PTPRD: variants seen among roughly 807,000 people sequenced by gnomAD.
PTPRD encodes the protein receptor-type tyrosine-protein phosphatase delta.
In PTPRD, 34 loss-of-function variants were observed where a neutral mutation model predicts 214.5. The ratio of observed to expected loss-of-function variants is 0.16; its 90% CI spans 0.12 to 0.21. The LOEUF is 0.21. PTPRD is among the 10% of genes least tolerant of loss of function. PTPRD has a pLI of 1.00. For missense variants in PTPRD, 2,545 were observed against 2,398.7 expected (o/e 1.06, Z -1.27); for synonymous variants, 1,128 against 845.7 (o/e 1.33, Z -5.79).
chr9:8,520,990 C>A (rs957335163), intron 20 of PTPRD, among the ~76,000 whole-genome samples: 1 of 151,954 alleles, frequency 6.6e-6, no homozygotes, highest in Non-Finnish European at 1.5e-5. Context: ...AATGGTCGAC[C>A]ATGTGTAAAA....
At chr9:9,910,498 C>A (rs1302156074) in intron 5 of PTPRD, among the ~76,000 whole-genome samples, 2 of 151,976 alleles carry the variant, frequency 1.3e-5, no homozygotes, top group Admixed American at 1.3e-4. Flanking sequence ...ATACGTACTC[C>A]TCTTGACAGT....
chr9:10,510,047 T>G (rs1427435548), intron 2 of PTPRD, among the ~76,000 whole-genome samples: 1 of 152,102 alleles, frequency 6.6e-6, no homozygotes, highest in Non-Finnish European at 1.5e-5. Flanking sequence ...AGCTCTAGTA[T>G]ACATATAAAT....
intron 7 of PTPRD, among the ~76,000 whole-genome samples, chr9:9,689,428 T>C (rs2097223290): frequency 6.6e-6 from 1 of 151,944 alleles, no homozygotes; most frequent in Non-Finnish European, 1.5e-5. Context: ...TAACTTTTGA[T>C]GCATTTATAT....
chr9:9,284,743 G>A (rs2133788267), intron 9 of PTPRD, among the ~76,000 whole-genome samples: 1 of 151,896 alleles, frequency 6.6e-6, no homozygotes, highest in Middle Eastern at 3.4e-3. Context: ...AAAGAACATA[G>A]ATTCTTATGT....
At chr9:9,308,680 G>A (rs1055389936) in intron 9 of PTPRD, among the ~76,000 whole-genome samples, 13 of 152,026 alleles carry the variant, frequency 8.6e-5, no homozygotes, top group African/African-American at 2.7e-4. Context: ...TCTATTTACC[G>A]GCACCTGATT....
rs368536965 is a variant in PTPRD at position 9,619,714 on chromosome 9, T to C, written c.-286-44933A>G. ...ATTTCTATATAGAAATATATGTATT[T>C]ATATATAATCGTGTATTTAATTTTC... On this transcript the variant is annotated intron_variant, in intron 7 of 45. Coordinates refer to ENST00000381196, the MANE Select transcript of PTPRD (RefSeq NM_002839.4). Among the ~76,000 whole-genome samples, 214 of 145,954 alleles carry C rather than the reference T, an allele frequency of 1.5e-3. 2 individuals are homozygous for C. The highest frequency in any genetic ancestry group is 7.5e-3 in the Middle Eastern group (2 of 266).
chr9:9,554,737 G>A (rs2081108905), intron 8 of PTPRD, among the ~76,000 whole-genome samples: 1 of 151,982 alleles, frequency 6.6e-6, no homozygotes, highest in Non-Finnish European at 1.5e-5. Flanking sequence ...AAAAAGAATT[G>A]CAGAGGAAAC....
chr9:10,428,318 A>T lies in PTPRD; in HGVS notation c.-599-87301T>A, dbSNP rs548338312. Among the ~76,000 whole-genome samples the T allele has an allele frequency of 6.0e-4, 91 of 152,196 alleles. 2 individuals carry two copies. In the South Asian group the frequency reaches 0.018, roughly 30 times the overall value. Reference sequence around the variant, plus strand: ...CAAGACTCTGTCTTGGGGGAAAAAAAATCATATTGCAGAATTTCTTTTATT... The same window carrying T: ...CAAGACTCTGTCTTGGGGGAAAAAATATCATATTGCAGAATTTCTTTTATT... On this transcript the variant is annotated intron_variant, in intron 2 of 45. Transcript: ENST00000381196.
intron 9 of PTPRD, among the ~76,000 whole-genome samples, chr9:9,273,187 A>T (rs1010149081): frequency 2.0e-5 from 3 of 151,300 alleles, no homozygotes; most frequent in African/African-American, 7.3e-5. Context: ...AATATATGGC[A>T]AAAATGATTT....
chr9:10,313,165 A>G (rs189073355), intron 3 of PTPRD, among the ~76,000 whole-genome samples: 1 of 152,052 alleles, frequency 6.6e-6, no homozygotes, highest in East Asian at 1.9e-4. Flanking sequence ...AAAGGAGCCT[A>G]CATAAGAGCA....
intron 5 of PTPRD, among the ~76,000 whole-genome samples, chr9:9,918,976 T>G (rs4742640): frequency 0.8 from 121,081 of 151,850 alleles, 49,336 homozygotes; most frequent in Non-Finnish European, 0.88. Context: ...ATGCCATTAT[T>G]GTTTTTTATT....
intron 39 of PTPRD, among the ~76,000 whole-genome samples, chr9:8,373,735 T>C (rs7038767): frequency 0.67 from 101,244 of 151,158 alleles, 35,738 homozygotes; most frequent in Non-Finnish European, 0.8. Context: ...TTTTTGTATC[T>C]GTCACGGTGC....
chr9:9,747,374 G>A (rs1421157715), intron 6 of PTPRD, among the ~76,000 whole-genome samples: 6 of 152,264 alleles, frequency 3.9e-5, no homozygotes, highest in Admixed American at 3.3e-4. Flanking sequence ...AGCAACTCGT[G>A]CAGCACAGAA....
intron 35 of PTPRD, among the ~76,000 whole-genome samples, chr9:8,424,508 C>G (rs1487918018): frequency 6.6e-6 from 1 of 152,162 alleles, no homozygotes; most frequent in African/African-American, 2.4e-5. Flanking sequence ...CGAAGAATGT[C>G]TGGCACATGG....
chr9:9,076,805 T>C (rs1181481325), intron 10 of PTPRD, among the ~76,000 whole-genome samples: 4 of 151,792 alleles, frequency 2.6e-5, no homozygotes, highest in Non-Finnish European at 5.9e-5. Context: ...TTTTTTTTTT[T>C]TGGTTATATA....
intron 3 of PTPRD, among the ~76,000 whole-genome samples, chr9:10,225,261 G>A (rs759427224): frequency 1.3e-4 from 20 of 151,758 alleles, no homozygotes; most frequent in Non-Finnish European, 2.7e-4. Context: ...AGATCTTATG[G>A]TTACTATAAT....
intron 7 of PTPRD, among the ~76,000 whole-genome samples, chr9:9,663,910 T>A (rs927326948): frequency 6.6e-6 from 1 of 151,394 alleles, no homozygotes; most frequent in African/African-American, 2.4e-5. Context: ...GTAGCTGGAT[T>A]TGAATAGTTT....
At chr9:8,428,942 C>G (rs1178117783) in intron 35 of PTPRD, among the ~76,000 whole-genome samples, 1 of 152,096 alleles carries the variant, frequency 6.6e-6, no homozygotes, top group Non-Finnish European at 1.5e-5. Context: ...GAAATGTTTT[C>G]TTTTGTGGTC....
intron 14 of PTPRD, among the ~76,000 whole-genome samples, chr9:8,546,670 T>G (rs2080263358): frequency 6.6e-6 from 1 of 152,060 alleles, no homozygotes. Context: ...CGCTACTTTT[T>G]TGTATTTTTA....
Sources: allele counts gnomAD v4.1 joint callset (sites outside exome capture counted in the v4.1 genomes callset), GRCh38; gene constraint gnomAD v4.1.1; transcripts MANE v1.5; gene names NCBI Gene and HGNC (gene_info 2026-07-23, HGNC 2026-07-21).